RANBP2: variants seen among roughly 807,000 people sequenced by gnomAD.
RANBP2 encodes the protein E3 SUMO-protein ligase RanBP2.
RANBP2 carries 57 observed loss-of-function variants against 303.6 expected under a neutral mutation model. That is an observed-to-expected ratio of 0.19 (90% CI 0.15 to 0.23). The LOEUF (loss-of-function observed/expected upper bound fraction) is 0.23, where lower values mean the gene tolerates loss of function less well. Among genes scored for constraint, RANBP2 ranks in the 10% least tolerant of loss-of-function variants. The pLI is 1.00. For missense variants in RANBP2, 3,138 were observed against 3,780.8 expected, an observed-to-expected ratio of 0.83 and a Z score of 4.46; for synonymous variants, 1,167 against 1,301.5, an observed-to-expected ratio of 0.90 and a Z score of 2.23.
chr2:109,175,721 A>C, the RANBP2 span, among the ~76,000 whole-genome samples: 1 of 152,250 alleles, frequency 6.6e-6, no homozygotes, highest in African/African-American at 2.4e-5. Context: ...TAGAGTGTAC[A>C]TAAAAATGAA....
chr2:108,856,787 T>C, the RANBP2 span: 8 of 1,611,994 alleles, frequency 5.0e-6, no homozygotes, highest in Non-Finnish European at 6.8e-6. Flanking sequence ...ACATAACTAT[T>C]TTCCAGCTGA....
chr2:108,824,913 G>A, the RANBP2 span, among the ~76,000 whole-genome samples: 3 of 152,162 alleles, frequency 2.0e-5, no homozygotes, highest in Non-Finnish European at 4.4e-5. Flanking sequence ...TCAGTTGACC[G>A]AAATGTTATG....
At chr2:109,291,979 T>C in the RANBP2 span, among the ~76,000 whole-genome samples, 1 of 152,214 alleles carries the variant, frequency 6.6e-6, no homozygotes, top group African/African-American at 2.4e-5. Flanking sequence ...TTCTTATGCC[T>C]CAGCCTCTCG....
At chr2:108,798,456 C>T in the RANBP2 span, 1 of 1,613,420 alleles carries the variant, frequency 6.2e-7, no homozygotes, top group Non-Finnish European at 8.5e-7. Flanking sequence ...CAGAAATTTG[C>T]TGAAGAACTT....
the RANBP2 span, among the ~76,000 whole-genome samples, chr2:109,295,792 T>TG: frequency 2.0e-5 from 3 of 152,130 alleles, no homozygotes; most frequent in African/African-American, 7.2e-5. Flanking sequence ...TGGTGGACTC[T>TG]GGCCGGCTTT....
At position 108,765,309 on chromosome 2, in the gene RANBP2, G is replaced by A; in HGVS notation, c.4770G>A (p.Glu1590=). 6.2e-7 allele frequency: 1 copy of A among 1,614,060 alleles called. No individual in the cohort carries two copies. Among genetic ancestry groups the A allele is most frequent in the Non-Finnish European group, 8.5e-7 (1 of 1,179,942 alleles). ...CCTCTTTTAAGTTTGGTACTTCAGA[G>A]ACAAGCAAGGCTCCAAAGAGCGGAT... ...APASFKFGTS[E]TSKAPKSGFE... Residue 1590 remains glutamate (E), a synonymous_variant, in exon 20 of 29, where the codon GAG becomes GAA. Coordinates refer to ENST00000283195, the MANE Select transcript of RANBP2 (RefSeq NM_006267.5).
the RANBP2 span, among the ~76,000 whole-genome samples, chr2:109,246,204 C>T: frequency 2.6e-5 from 4 of 152,194 alleles, no homozygotes; most frequent in Non-Finnish European, 4.4e-5. Flanking sequence ...AACAAAATAC[C>T]GTAAACGCAG....
At chr2:109,381,764 G>A in the RANBP2 span, among the ~76,000 whole-genome samples, 147 of 152,226 alleles carry the variant, frequency 9.7e-4, 2 homozygotes, top group African/African-American at 3.3e-3. Context: ...AGGTGCTCTC[G>A]CTTCGCAGAA....
chr2:109,219,436 A>G, the RANBP2 span, among the ~76,000 whole-genome samples: 1 of 152,240 alleles, frequency 6.6e-6, no homozygotes, highest in South Asian at 2.1e-4. Context: ...CCGACATAGA[A>G]TTGGAAGCTC....
chr2:109,260,780 C>T, the RANBP2 span, among the ~76,000 whole-genome samples: 168 of 152,266 alleles, frequency 1.1e-3, no homozygotes, highest in South Asian at 3.1e-3. Flanking sequence ...GTGACCCTAG[C>T]GTGTGTCTGA....
intron 26 of RANBP2, among the ~76,000 whole-genome samples, 171 bp downstream of exon 26, chr2:108,781,600 G>A (rs1678261941): frequency 6.6e-6 from 1 of 152,074 alleles, no homozygotes; most frequent in South Asian, 2.1e-4. Context: ...TCTTTTTACA[G>A]TTTTTACATA....
At chr2:109,301,102 A>G in the RANBP2 span, among the ~76,000 whole-genome samples, 2 of 152,182 alleles carry the variant, frequency 1.3e-5, no homozygotes, top group Admixed American at 1.3e-4. Flanking sequence ...AATCATTGCT[A>G]TTTTAATACT....
chr2:108,720,327 G>A (rs546350035), intron 1 of RANBP2, among the ~76,000 whole-genome samples: 5 of 144,930 alleles, frequency 3.4e-5, no homozygotes, highest in African/African-American at 1.3e-4. Flanking sequence ...CCCCCTCCCC[G>A]CCCGGAACAC....
At chr2:109,509,974 A>G in the RANBP2 span, among the ~76,000 whole-genome samples, 1 of 152,342 alleles carries the variant, frequency 6.6e-6, no homozygotes, top group East Asian at 1.9e-4. Context: ...GGAAACTCTT[A>G]TCTAGTTGGA....
At chr2:109,573,397 T>C in the RANBP2 span, among the ~76,000 whole-genome samples, 2 of 152,222 alleles carry the variant, frequency 1.3e-5, no homozygotes, top group Admixed American at 1.3e-4. Context: ...TTAACAAATA[T>C]GAATTTCCAT....
chr2:108,845,884 A>G, the RANBP2 span, among the ~76,000 whole-genome samples: 1 of 152,142 alleles, frequency 6.6e-6, no homozygotes, highest in Non-Finnish European at 1.5e-5. Context: ...TTTTATTCTT[A>G]ATAGATATAT....
chr2:109,292,012 C>T, the RANBP2 span, among the ~76,000 whole-genome samples: 2 of 152,224 alleles, frequency 1.3e-5, no homozygotes, highest in Admixed American at 6.5e-5. Flanking sequence ...TACAGGCGCA[C>T]GCCACCACGC....
chr2:109,347,566 C>T, the RANBP2 span: 1 of 1,445,938 alleles, frequency 6.9e-7, no homozygotes, highest in Non-Finnish European at 9.3e-7. Context: ...TGTATGCACC[C>T]CCAGGACACA....
At chr2:108,803,795 G>A in the RANBP2 span, among the ~76,000 whole-genome samples, 1 of 152,036 alleles carries the variant, frequency 6.6e-6, no homozygotes, top group Non-Finnish European at 1.5e-5. Context: ...GGTTTATTTA[G>A]GGCTTTTAGC....
Sources: gnomAD v4.1 joint callset for allele counts (sites outside exome capture counted in the v4.1 genomes callset) on GRCh38, gnomAD v4.1.1 for gene constraint, MANE v1.5 for transcripts, NCBI Gene and HGNC (gene_info 2026-07-23, HGNC 2026-07-21) for gene names.